Variants in NCAM2 observed in about 807,000 individuals in gnomAD.
The protein encoded by NCAM2 is N-CAM-2.
In NCAM2, 30 loss-of-function variants were observed where a neutral mutation model predicts 98.1. That is an observed-to-expected ratio of 0.31 (90% confidence interval 0.23 to 0.41). The LOEUF (loss-of-function observed/expected upper bound fraction) is 0.41. Ranked by LOEUF, NCAM2 falls within the 10% of genes least tolerant of loss-of-function variation. The probability of loss-of-function intolerance (pLI) is 1.00; values close to 1 mark genes in which losing one functional copy is unlikely to be tolerated. For missense variants in NCAM2, 867 were observed against 1,005.8 expected (o/e 0.86, Z 1.87); for synonymous variants, 368 against 342.4 (o/e 1.07, Z -0.83).
chr21:21,366,658 C>T (rs1355881028), intron 8 of NCAM2, among the ~76,000 whole-genome samples: 1 of 151,976 alleles, frequency 6.6e-6, no homozygotes, highest in Non-Finnish European at 1.5e-5. Context: ...AAACAGCCTG[C>T]AGGGAAAATC....
Position 21,280,580 on chromosome 21 carries a change from C to A in NCAM2, c.58C>A (p.Leu20Ile). 3 of 1,586,598 alleles carry A rather than the reference C, an allele frequency of 1.9e-6. No homozygotes were observed. Among genetic ancestry groups the A allele is most frequent in the Admixed American group, 1.8e-5 (1 of 55,240 alleles). The change falls in exon 2 of 18, where the codon CTT (leucine) becomes ATT (isoleucine). Residue 20 changes from leucine (L) to isoleucine (I), a missense_variant and splice_region_variant. Physicochemically the swap from Leu to Ile is conservative, Grantham distance 5. This residue lies in a region of NCAM2 where 447 missense variants were observed against 495.7 expected (regional missense o/e 0.90). Transcript: ENST00000400546. ...ATTGTTTCCCAATTTTTTTTCAGCTCTTCTTCAAGTGACAATTTCACTTAG... is the reference window on the plus strand; with the variant it reads ...ATTGTTTCCCAATTTTTTTTCAGCTATTCTTCAAGTGACAATTTCACTTAG... ...LGLLVSSGQA[L>I]LQVTISLSKV...
chr21:21,337,142 G>T (rs1447186208), intron 7 of NCAM2, among the ~76,000 whole-genome samples: 2 of 152,058 alleles, frequency 1.3e-5, no homozygotes, highest in East Asian at 3.9e-4. Flanking sequence ...AAATAGTATT[G>T]TGTGAGATTA....
chr21:21,385,101 A>G (rs928788626), intron 9 of NCAM2, among the ~76,000 whole-genome samples: 1 of 151,952 alleles, frequency 6.6e-6, no homozygotes, highest in African/African-American at 2.4e-5. Flanking sequence ...TTTTAGTTGT[A>G]TATTGCAATC....
chr21:21,517,613 T>A (rs1430451101), intron 16 of NCAM2, among the ~76,000 whole-genome samples: 1 of 152,074 alleles, frequency 6.6e-6, no homozygotes. Flanking sequence ...ATCCCAGCAC[T>A]TTGGGAGGCC....
At chr21:21,121,735 G>A (rs1169644938) in intron 1 of NCAM2, among the ~76,000 whole-genome samples, 1 of 152,198 alleles carries the variant, frequency 6.6e-6, no homozygotes, top group Non-Finnish European at 1.5e-5. Flanking sequence ...AAGTCTGATG[G>A]AAAAGGCTAT....
chr21:21,181,983 A>G (rs914200370), intron 1 of NCAM2, among the ~76,000 whole-genome samples: 1 of 151,206 alleles, frequency 6.6e-6, no homozygotes, highest in African/African-American at 2.4e-5. Flanking sequence ...GCTTGATCCC[A>G]GGAGTTTGAG....
At chr21:21,291,567 C>CA (rs1396717397) in intron 4 of NCAM2, among the ~76,000 whole-genome samples, 7 of 151,344 alleles carry the variant, frequency 4.6e-5, no homozygotes, top group African/African-American at 1.5e-4. Context: ...TCTTATTAGC[C>CA]AAAAAAATCC....
At chr21:21,046,256 C>T (rs571308845) in intron 1 of NCAM2, among the ~76,000 whole-genome samples, 7 of 152,264 alleles carry the variant, frequency 4.6e-5, no homozygotes, top group Non-Finnish European at 5.9e-5. Context: ...TGTTACTTAT[C>T]TTTTTGTATT....
chr21:21,051,739 C>T (rs1405878753), intron 1 of NCAM2, among the ~76,000 whole-genome samples: 1 of 152,156 alleles, frequency 6.6e-6, no homozygotes, highest in Non-Finnish European at 1.5e-5. Flanking sequence ...ACCTCTGTTG[C>T]CTGTTTCTTT....
intron 2 of NCAM2, among the ~76,000 whole-genome samples, chr21:21,280,955 C>G (rs2072908204): frequency 1.3e-5 from 2 of 151,580 alleles, no homozygotes; most frequent in Non-Finnish European, 2.9e-5. Flanking sequence ...TAATTTTTGT[C>G]TTTTTGTGTT....
chr21:21,416,352 T>G (rs1009125310), intron 10 of NCAM2, among the ~76,000 whole-genome samples: 1 of 152,104 alleles, frequency 6.6e-6, no homozygotes, highest in South Asian at 2.1e-4. Context: ...CAGATCACCA[T>G]AGCAAATTTA....
intron 1 of NCAM2, among the ~76,000 whole-genome samples, chr21:21,213,684 T>G (rs927106270): frequency 6.6e-6 from 1 of 152,196 alleles, no homozygotes; most frequent in Non-Finnish European, 1.5e-5. Flanking sequence ...TATTCAGGTT[T>G]TATATGAACA....
intron 7 of NCAM2, among the ~76,000 whole-genome samples, chr21:21,336,846 A>T (rs2074885587): frequency 6.6e-6 from 1 of 152,230 alleles, no homozygotes; most frequent in East Asian, 1.9e-4. Context: ...GAAGCATTGA[A>T]TAAAGAGAAG....
intron 10 of NCAM2, among the ~76,000 whole-genome samples, chr21:21,416,726 C>A (rs1013955654): frequency 6.6e-6 from 1 of 151,950 alleles, no homozygotes; most frequent in African/African-American, 2.4e-5. Flanking sequence ...CTATAATATA[C>A]CCTCGTTATA....
chr21:21,171,801 A>G (rs1251275266), intron 1 of NCAM2, among the ~76,000 whole-genome samples: 2 of 151,992 alleles, frequency 1.3e-5, no homozygotes, highest in Non-Finnish European at 2.9e-5. Context: ...TGTACTCGAG[A>G]ATGCTAATGG....
chr21:21,409,157 T>C (rs1295045707), intron 9 of NCAM2, among the ~76,000 whole-genome samples: 1 of 152,158 alleles, frequency 6.6e-6, no homozygotes, highest in Non-Finnish European at 1.5e-5. Flanking sequence ...TAAAATCTTC[T>C]CAAATAATTA....
At chr21:21,267,075 C>G (rs1427520361) in intron 1 of NCAM2, among the ~76,000 whole-genome samples, 1 of 152,140 alleles carries the variant, frequency 6.6e-6, no homozygotes, top group Non-Finnish European at 1.5e-5. Context: ...GTGTAAATAA[C>G]AACTCACCAG....
chr21:21,397,548 G>C (rs1569018565), intron 9 of NCAM2, among the ~76,000 whole-genome samples: 1 of 152,174 alleles, frequency 6.6e-6, no homozygotes, highest in Non-Finnish European at 1.5e-5. Flanking sequence ...CGGCACCTGG[G>C]CTGGGCCACA....
chr21:21,152,601 G>T (rs1250491906), intron 1 of NCAM2, among the ~76,000 whole-genome samples: 1 of 151,976 alleles, frequency 6.6e-6, no homozygotes, highest in African/African-American at 2.4e-5. Flanking sequence ...GCTAGACTTT[G>T]TGGAGCCAGT....
Sources: allele counts gnomAD v4.1 joint callset (sites outside exome capture counted in the v4.1 genomes callset), GRCh38; gene constraint gnomAD v4.1.1; regional missense constraint gnomAD v4.1.1; transcripts MANE v1.5; gene names NCBI Gene and HGNC (gene_info 2026-07-23, HGNC 2026-07-21).